Variants in DACH2 observed in about 807,000 individuals in gnomAD.
The protein encoded by DACH2 is dachshund family transcription factor 2.
Under a neutral mutation model 35.8 loss-of-function variants are expected in DACH2, and 17 were observed. That is an observed-to-expected ratio of 0.48 (90% confidence interval 0.33 to 0.71). The LOEUF (loss-of-function observed/expected upper bound fraction) is 0.71, where lower values mean the gene tolerates loss of function less well. DACH2 is among the 30% of genes least tolerant of loss of function. The probability of loss-of-function intolerance (pLI) is 0.02; values close to 1 mark genes in which losing one functional copy is unlikely to be tolerated. For missense variants in DACH2, 469 were observed against 472.7 expected, an observed-to-expected ratio of 0.99 and a Z score of 0.07; for synonymous variants, 195 against 177.3, an observed-to-expected ratio of 1.10 and a Z score of -0.79.
intron 7 of DACH2, among the ~76,000 whole-genome samples, chrX:86,750,621 G>T (rs1017846540): frequency 9.0e-6 from 1 of 110,830 alleles, no homozygotes; most frequent in African/African-American, 3.3e-5. Context: ...TCCTGGCGAC[G>T]ACTATTCACT....
chrX:86,738,463 G>T (rs759049805), intron 6 of DACH2, among the ~76,000 whole-genome samples: 161 of 111,887 alleles, frequency 1.4e-3, no homozygotes, highest in African/African-American at 5.0e-3. Flanking sequence ...ATAATGATGT[G>T]ATTACAGATA....
chrX:86,300,200 A>C (rs1355803251), intron 1 of DACH2, among the ~76,000 whole-genome samples: 2 of 111,136 alleles, frequency 1.8e-5, no homozygotes, highest in Admixed American at 9.6e-5. Flanking sequence ...ATATTTAATG[A>C]AGAACCTTGA....
At position 86,813,939 on chromosome X, in the gene DACH2, C is replaced by G. The variant is rs1233037219; in HGVS notation, c.1537+662C>G. Reference sequence around the variant, plus strand: ...ACAGTAGATTTATTTGCACCAGCATCACCACATACCCACTAGTAATGCATT... The same window carrying G: ...ACAGTAGATTTATTTGCACCAGCATGACCACATACCCACTAGTAATGCATT... On this transcript the variant is annotated intron_variant, in intron 9 of 11. Coordinates refer to ENST00000373125, the MANE Select transcript of DACH2 (RefSeq NM_053281.3). 2.7e-5 allele frequency among the ~76,000 whole-genome samples: 3 copies of G among 111,854 alleles called. No homozygotes were observed. The East Asian group carries it at 8.4e-4, about 31-fold the overall frequency.
At chrX:86,549,576 T>A (rs926795145) in intron 3 of DACH2, among the ~76,000 whole-genome samples, 1 of 110,857 alleles carries the variant, frequency 9.0e-6, no homozygotes, top group Admixed American at 9.7e-5. Flanking sequence ...TATATTTTTT[T>A]AAATTAAATT....
At chrX:86,397,911 A>C (rs977619099) in intron 2 of DACH2, among the ~76,000 whole-genome samples, 27 of 111,799 alleles carry the variant, frequency 2.4e-4, no homozygotes, top group Non-Finnish European at 4.5e-4. Context: ...TCATAAAATG[A>C]GTTAGGGAGG....
chrX:86,553,135 T>A (rs768558552), intron 3 of DACH2, among the ~76,000 whole-genome samples: 1 of 110,954 alleles, frequency 9.0e-6, no homozygotes, highest in Non-Finnish European at 1.9e-5. Context: ...CCAGCCCGCA[T>A]CCCAAAATCT....
chrX:86,799,057 C>A, intron 7 of DACH2: 1 of 297,325 alleles, frequency 3.4e-6, no homozygotes, highest in Non-Finnish European at 6.4e-6. Context: ...TATTCTTTCC[C>A]AAAGATATCT....
At chrX:86,551,013 C>T (rs2039042006) in intron 3 of DACH2, among the ~76,000 whole-genome samples, 1 of 111,731 alleles carries the variant, frequency 9.0e-6, no homozygotes, top group Non-Finnish European at 1.9e-5. Flanking sequence ...ATTGATGTTT[C>T]CCAATAGATT....
rs188558198 is a variant in DACH2, at chrX:86,208,556, C to A, written c.488+59448C>A. ...ACCATAAAAAATATTAGCACTATTA[C>A]TCTGACTGCCATTTTTGTGACCAGT... On this transcript the variant is annotated intron_variant, in intron 1 of 11. Coordinates refer to ENST00000373125, the MANE Select transcript of DACH2 (RefSeq NM_053281.3). Among the ~76,000 whole-genome samples the A allele has an allele frequency of 2.4e-3, 272 of 111,540 alleles. 1 individual carries two copies. Among genetic ancestry groups the A allele is most frequent in the African/African-American group, 8.4e-3 (258 of 30,779 alleles).
At chrX:86,268,389 C>A (rs2033748922) in intron 1 of DACH2, among the ~76,000 whole-genome samples, 1 of 111,434 alleles carries the variant, frequency 9.0e-6, no homozygotes, top group South Asian at 3.7e-4. Flanking sequence ...CCATCATCTC[C>A]ATTTTTCAGA....
At chrX:86,310,947 G>A (rs2034787835) in intron 1 of DACH2, among the ~76,000 whole-genome samples, 1 of 111,098 alleles carries the variant, frequency 9.0e-6, no homozygotes, top group Non-Finnish European at 1.9e-5. Context: ...AGGCCATGGT[G>A]GCAGGGATGG....
chrX:86,649,378 T>C (rs772675649), intron 3 of DACH2, among the ~76,000 whole-genome samples: 2 of 111,191 alleles, frequency 1.8e-5, no homozygotes, highest in South Asian at 3.7e-4. Context: ...ATGTAAATTC[T>C]GGAAACTTAT....
At chrX:86,639,589 G>A (rs752486061) in intron 3 of DACH2, among the ~76,000 whole-genome samples, 1 of 111,354 alleles carries the variant, frequency 9.0e-6, no homozygotes, top group African/African-American at 3.3e-5. Flanking sequence ...CACTTCCAAG[G>A]CACGTCACAA....
chrX:86,301,293 T>C (rs756566565), intron 1 of DACH2, among the ~76,000 whole-genome samples: 39 of 112,216 alleles, frequency 3.5e-4, no homozygotes, highest in African/African-American at 7.1e-4. Flanking sequence ...CAGATACATC[T>C]AATGTAGCAG....
At chrX:86,526,729 A>G (rs2038638745) in intron 3 of DACH2, among the ~76,000 whole-genome samples, 2 of 109,174 alleles carry the variant, frequency 1.8e-5, no homozygotes, top group African/African-American at 6.6e-5. Flanking sequence ...TTTTTGAAAC[A>G]CTGTGTTAGA....
At chrX:86,215,988 A>G (rs936417582) in intron 1 of DACH2, among the ~76,000 whole-genome samples, 2 of 111,959 alleles carry the variant, frequency 1.8e-5, no homozygotes, top group African/African-American at 6.5e-5. Context: ...AGTATTTCCT[A>G]TATTCCCAAA....
intron 4 of DACH2, among the ~76,000 whole-genome samples, chrX:86,668,992 A>T: frequency 8.9e-6 from 1 of 111,747 alleles, no homozygotes; most frequent in Admixed American, 9.5e-5. Context: ...TAAAAATTTT[A>T]TATTCAAACA....
chrX:86,196,692 C>CAAAAAAAA, intron 1 of DACH2, among the ~76,000 whole-genome samples: 53 of 27,361 alleles, frequency 1.9e-3, no homozygotes, highest in African/African-American at 8.1e-3. Context: ...GACTCCATCT[C>CAAAAAAAA]AAAAAAAAAA....
chrX:86,623,767 C>CTGTGCAGTTCATATTTCTTTTTAT lies in DACH2; in HGVS notation c.641-27269_641-27268insTGTGCAGTTCATATTTCTTTTTAT, dbSNP rs2040095398. On this transcript the variant is annotated intron_variant, in intron 3 of 11. Transcript: ENST00000373125. ...AGAATACAGACCTATTAAAAAGTGG[C>CTGTGCAGTTCATATTTCTTTTTAT]GGCCGGGCGCGGTGGCTCACGCCTG... is the stretch of plus-strand genomic sequence containing the variant. Among the ~76,000 whole-genome samples, 470 of 108,398 alleles carry CTGTGCAGTTCATATTTCTTTTTAT rather than the reference C, an allele frequency of 4.3e-3. 15 individuals are homozygous for CTGTGCAGTTCATATTTCTTTTTAT. Among genetic ancestry groups the CTGTGCAGTTCATATTTCTTTTTAT allele is most frequent in the East Asian group, 0.01 (34 of 3,292 alleles). 94.1% of individuals were successfully genotyped at this position (108,398 alleles called of 115,157 possible). A position where few individuals can be genotyped will look rare whatever the true frequency, so the allele number is the denominator to read the frequency against.
Sources: gnomAD v4.1 joint callset for allele counts (sites outside exome capture counted in the v4.1 genomes callset) on GRCh38, gnomAD v4.1.1 for gene constraint, MANE v1.5 for transcripts, NCBI Gene and HGNC (gene_info 2026-07-23, HGNC 2026-07-21) for gene names.